Variants in CYP11B2 observed in about 807,000 individuals in gnomAD.
CYP11B2 encodes cytochrome P450 11B2, mitochondrial.
Under a neutral mutation model 49.3 loss-of-function variants are expected in CYP11B2, and 38 were observed. The ratio of observed to expected loss-of-function variants is 0.77; its 90% CI spans 0.59 to 1.01. CYP11B2 has a LOEUF of 1.01. Ranked by LOEUF, CYP11B2 falls within the 50% of genes least tolerant of loss-of-function variation. CYP11B2 has a pLI of 0.00. For synonymous variants in CYP11B2, 290 were observed against 269.3 expected (o/e 1.08, Z -0.75); for missense variants, 669 against 655.5 (o/e 1.02, Z -0.23).
rs760329766 is a variant in CYP11B2, at chr8:142,914,264, C to T, written c.954G>A (p.Thr318=). 50 of 1,613,966 alleles carry T rather than the reference C, an allele frequency of 3.1e-5. No homozygotes were observed. The highest frequency in any genetic ancestry group is 2.4e-4 in the South Asian group (22 of 91,084). The change falls in exon 5 of 9, where the codon ACG becomes ACA. Residue 318 remains threonine (T), a splice_region_variant and synonymous_variant. Transcript: ENST00000323110. ...GGGTGGGGCTGGTTGCTGGCCTGACCGTGTCCACGCTCCCTGCAGTGAGTT... is the reference window on the plus strand; with the variant it reads ...GGGTGGGGCTGGTTGCTGGCCTGACTGTGTCCACGCTCCCTGCAGTGAGTT... ...SMELTAGSVD[T]TAFPLLMTLF... is the part of the protein sequence containing the mutation.
rs199870799 is a variant in CYP11B2 at position 142,917,178 on chromosome 8, C to T, written c.276G>A (p.Met92Ile). ...GCAGCTTCTCCACATCCTCCGGCAGCATCACACACACCATGCGTGGTCCTC... is the reference window on the plus strand; with the variant it reads ...GCAGCTTCTCCACATCCTCCGGCAGTATCACACACACCATGCGTGGTCCTC... ...NLGGPRMVCV[M>I]LPEDVEKLQQ... Residue 92 changes from methionine to isoleucine, a missense_variant, in exon 2 of 9, where the codon ATG becomes ATA. Met to Ile is a conservative substitution (Grantham distance 10). Coordinates refer to ENST00000323110, the MANE Select transcript of CYP11B2 (RefSeq NM_000498.3). The T allele has an allele frequency of 9.9e-6, 16 of 1,614,060 alleles. No individual in the cohort carries two copies. The highest frequency in any genetic ancestry group is 1.4e-5 in the Non-Finnish European group (16 of 1,180,040).
intron 6 of CYP11B2, 75 bp downstream of exon 6, chr8:142,913,210 T>C: frequency 1.3e-6 from 2 of 1,524,536 alleles, no homozygotes; most frequent in Non-Finnish European, 1.8e-6. Context: ...CCCCAGATTC[T>C]GTCTGCCACC....
intron 1 of CYP11B2, 108 bp from the exon 2 acceptor site, chr8:142,917,322 T>A: frequency 6.9e-7 from 1 of 1,446,346 alleles, no homozygotes; most frequent in Non-Finnish European, 9.6e-7. Flanking sequence ...GCTCCTGGAT[T>A]AGCGGCTTCA....
rs755038323 is a variant in CYP11B2 at position 142,915,095 on chromosome 8, C to A, written c.546G>T (p.Gly182=). 1.2e-6 allele frequency: 2 copies of A among 1,613,764 alleles called. No homozygotes were observed. Among genetic ancestry groups the A allele is most frequent in the Admixed American group, 1.7e-5 (1 of 60,000 alleles). The part of the protein sequence containing the change: ...LKKKVLQNAR[G]SLTLDVQPSI... ...TGGGCTGGACGTCCAGGGTCAGGCT[C>A]CCCCGGGCGTTCTGCAGCACCTTCT... The change falls in exon 3 of 9, where the codon GGG becomes GGT. Residue 182 remains glycine (G), a synonymous_variant. Transcript: ENST00000323110.
At chr8:142,913,095 C>T (rs1460663102) in intron 6 of CYP11B2, among the ~76,000 whole-genome samples, 190 bp downstream of exon 6, 18 of 151,232 alleles carry the variant, frequency 1.2e-4, no homozygotes, top group Admixed American at 1.2e-3. Context: ...ACGTTAATCC[C>T]CAGGGTGTTG....
rs1322331585 is a variant in CYP11B2 at position 142,914,227 on chromosome 8, A to G, written c.954+37T>C. The G allele has an allele frequency of 2.5e-6, 4 of 1,613,404 alleles. No homozygotes were observed. The African/African-American group carries it at 5.3e-5, about 22-fold the overall frequency. On this transcript the variant is annotated intron_variant, in intron 5 of 8. Transcript: ENST00000323110. ...GCAGTGCCTGGGAGGCAGGCTTGGC[A>G]TCACCCTCTCTGGGTGGGGCTGGTT... is the stretch of plus-strand genomic sequence containing the variant.
chr8:142,912,555 G>A lies in CYP11B2; in HGVS notation c.1373C>T (p.Ala458Val). The stretch of plus-strand genomic sequence containing the variant: ...GTGGTGCAGCAGCAGCAGCATCTCT[G>A]CCTCTGCCAGGCGCCGCCCGAGGCA... ...RQCLGRRLAE[A>V]EMLLLLHHVL... Residue 458 changes from alanine to valine, a missense_variant, in exon 8 of 9, where the codon GCA becomes GTA. Physicochemically the swap from Ala to Val is moderately conservative, Grantham distance 64 (BLOSUM62 0). Transcript: ENST00000323110. 1.2e-6 allele frequency: 2 copies of A among 1,613,784 alleles called. No individual in the cohort carries two copies. The highest frequency in any genetic ancestry group is 8.5e-7 in the Non-Finnish European group (1 of 1,179,944).
rs753680117 is a variant in CYP11B2, at chr8:142,913,336, T to G, written c.1070A>C (p.Lys357Thr). 1.2e-6 allele frequency: 2 copies of G among 1,613,520 alleles called. No individual in the cohort carries two copies. The highest frequency in any genetic ancestry group is 2.7e-5 in the African/African-American group (2 of 74,776). The change falls in exon 6 of 9, where the codon AAG becomes ACG. Residue 357 changes from lysine to threonine, a missense_variant. By Grantham distance (78) the Lys-to-Thr change is moderately conservative. Coordinates refer to ENST00000323110, the MANE Select transcript of CYP11B2 (RefSeq NM_000498.3). ...AAASISEHPQ[K>T]ATTELPLLRA... ...CAGCAAGGGCAGCTCGGTGGTTGCC[T>G]TCTGGGGATGTTCACTGATGCTGGC...
At chr8:142,912,252 G>A (rs1348606713) in intron 8 of CYP11B2, among the ~76,000 whole-genome samples, 159 bp from the exon 9 acceptor site, 2 of 152,008 alleles carry the variant, frequency 1.3e-5, no homozygotes, top group Non-Finnish European at 2.9e-5. Flanking sequence ...TTACGGACCA[G>A]GCCCAGACTG....
chr8:142,912,526 T>C lies in CYP11B2; in HGVS notation c.1398+4A>G. 6.9e-7 allele frequency: 1 copy of C among 1,454,204 alleles called. No individual in the cohort carries two copies. Among genetic ancestry groups the C allele is most frequent in the Non-Finnish European group, 9.6e-7 (1 of 1,036,788 alleles). 90.1% of individuals were successfully genotyped at this position (1,454,204 alleles called of 1,614,324 possible). A position where few individuals can be genotyped will look rare whatever the true frequency, so the allele number is the denominator to read the frequency against. ...GTCCCGCCCCCGCCCCCAGGCCTGC[T>C]TACGTGGTGCAGCAGCAGCAGCATC... On this transcript the variant is annotated splice_donor_region_variant and intron_variant, in intron 8 of 8. Coordinates refer to ENST00000323110, the MANE Select transcript of CYP11B2 (RefSeq NM_000498.3).
chr8:142,914,003 T>C (rs779502812), intron 5 of CYP11B2: 22 of 608,392 alleles, frequency 3.6e-5, no homozygotes, highest in Non-Finnish European at 5.6e-5. Flanking sequence ...GTCCAGGGCC[T>C]CATCCAACTT....
chr8:142,914,508 A>T (rs538688873), intron 4 of CYP11B2, 90 bp from the exon 5 acceptor site: 1 of 1,472,774 alleles, frequency 6.8e-7, no homozygotes, highest in African/African-American at 1.4e-5. Context: ...CCCGACACCC[A>T]AATCTCCCTG....
rs181520887 is a variant in CYP11B2, at chr8:142,913,146, G to A, written c.1121+139C>T. On this transcript the variant is annotated intron_variant, in intron 6 of 8. Transcript: ENST00000323110. ...GGAAGAAGAGCTCCCTGTCCTTGAG[G>A]GGGAGGAAGAGCAGGTGCAGGGGAA... 2,094 of 1,002,804 alleles carry A rather than the reference G, an allele frequency of 2.1e-3. 38 individuals are homozygous for A. The African/African-American group carries it at 0.03, about 14-fold the overall frequency. 62.1% of individuals were successfully genotyped at this position (1,002,804 alleles called of 1,614,324 possible).
In CYP11B2 at chr8:142,915,175, T is replaced by C. The variant is rs1452691671; in HGVS notation, c.466A>G (p.Arg156Gly). The change falls in exon 3 of 9, where the codon AGG becomes GGG. Residue 156 changes from arginine to glycine, a missense_variant. Physicochemically the swap from Arg to Gly is moderately radical, Grantham distance 125. Transcript: ENST00000323110. ...PDVLSPKAVQRFLPMVDAVAR... is the reference protein window; with the variant it reads ...PDVLSPKAVQGFLPMVDAVAR... Reference sequence around the variant, plus strand: ...ACTGCATCCACCATCGGGAGGAACCTCTGCACGGCCTTGGGCGACAGCACA... The same window carrying C: ...ACTGCATCCACCATCGGGAGGAACCCCTGCACGGCCTTGGGCGACAGCACA... The C allele has an allele frequency of 6.2e-7, 1 of 1,614,180 alleles. No homozygotes were observed. Among genetic ancestry groups the C allele is most frequent in the Non-Finnish European group, 8.5e-7 (1 of 1,180,018 alleles).
At chr8:142,914,460 G>A in intron 4 of CYP11B2, 42 bp from the exon 5 acceptor site, 4 of 1,568,132 alleles carry the variant, frequency 2.6e-6, no homozygotes, top group Non-Finnish European at 3.5e-6. Context: ...CTTGGTGCTG[G>A]GAAGCATCCT....
rs1206117291 is a variant in CYP11B2 at position 142,914,813 on chromosome 8, A to C, written c.691T>G (p.Phe231Val). 1 of 1,613,654 alleles carries C rather than the reference A, an allele frequency of 6.2e-7. No homozygotes were observed. Among genetic ancestry groups the C allele is most frequent in the African/African-American group, 1.3e-5 (1 of 74,724 alleles). The change falls in exon 4 of 9, where the codon TTC becomes GTC. Residue 231 changes from phenylalanine (F) to valine (V), a missense_variant. By Grantham distance (50) the Phe-to-Val change is conservative. Transcript: ENST00000323110. Reference sequence around the variant, plus strand: ...AACATGAGCTGGACGGTGGATTTGAACATGACCTCCAGGGCATGGAGGAAG... The same window carrying C: ...AACATGAGCTGGACGGTGGATTTGACCATGACCTCCAGGGCATGGAGGAAG... ...LNFLHALEVMFKSTVQLMFMP... is the reference protein window; with the variant it reads ...LNFLHALEVMVKSTVQLMFMP...
chr8:142,917,461 G>A, intron 1 of CYP11B2, 141 bp downstream of exon 1: 1 of 1,610,058 alleles, frequency 6.2e-7, no homozygotes, highest in Non-Finnish European at 8.5e-7. Flanking sequence ...AGACCAGCAT[G>A]TGCTGCACTC....
chr8:142,912,969 G>T (rs540252019), intron 6 of CYP11B2, 84 bp from the exon 7 acceptor site: 47 of 1,431,342 alleles, frequency 3.3e-5, no homozygotes, highest in Non-Finnish European at 4.3e-5. Context: ...CGAAGACCCC[G>T]CAGAGGTCCC....
intron 2 of CYP11B2, 59 bp downstream of exon 2, chr8:142,917,000 C>G: frequency 6.2e-7 from 1 of 1,601,586 alleles, no homozygotes; most frequent in Non-Finnish European, 8.5e-7. Flanking sequence ...TCTCGCCTCC[C>G]CCCTACACCC....
Sources: allele counts gnomAD v4.1 joint callset (sites outside exome capture counted in the v4.1 genomes callset), GRCh38; gene constraint gnomAD v4.1.1; transcripts MANE v1.5; gene names NCBI Gene and HGNC (gene_info 2026-07-23, HGNC 2026-07-21).